Variants in SSH2 observed in about 807,000 individuals in gnomAD.
SSH2 encodes the protein protein phosphatase Slingshot homolog 2.
Under a neutral mutation model 135.2 loss-of-function variants are expected in SSH2, and 37 were observed. The observed-to-expected ratio is 0.27, with a 90% CI of 0.21 to 0.36. SSH2 has a LOEUF of 0.36. SSH2 is among the 10% of genes least tolerant of loss of function. SSH2 has a pLI of 1.00. For synonymous variants in SSH2, 628 were observed against 646.2 expected (o/e 0.97, Z 0.43); for missense variants, 1,408 against 1,765.3 (o/e 0.80, Z 3.63).
In SSH2 at chr17:29,636,742, G is replaced by A. The variant is rs367567775; in HGVS notation, c.1488C>T (p.His496=). 72 of 1,613,994 alleles carry A rather than the reference G, an allele frequency of 4.5e-5. No homozygotes were observed. The highest frequency in any genetic ancestry group is 5.9e-5 in the Non-Finnish European group (70 of 1,180,044). The part of the protein sequence containing the change: ...SHSDSDLSDH[H]EPICKPGLEL... Reference sequence around the variant, plus strand: ...CTAGCCCAGGTTTGCAGATGGGTTCGTGGTGGTCTGAGAGGTCACTATCTG... The same window carrying A: ...CTAGCCCAGGTTTGCAGATGGGTTCATGGTGGTCTGAGAGGTCACTATCTG... Residue 496 remains histidine (H), a synonymous_variant, in exon 15 of 16, where the codon CAC becomes CAT. Transcript: ENST00000540801.
intron 1 of SSH2, among the ~76,000 whole-genome samples, chr17:29,914,949 A>T (rs986185542): frequency 2.0e-5 from 3 of 152,208 alleles, no homozygotes; most frequent in Non-Finnish European, 4.4e-5. Flanking sequence ...GTTACAAATG[A>T]TCTGTTTTAC....
chr17:29,635,683 C>T (rs950770481), intron 15 of SSH2, among the ~76,000 whole-genome samples: 48 of 152,306 alleles, frequency 3.2e-4, no homozygotes, highest in African/African-American at 1.1e-3. Flanking sequence ...GCTGGGATTA[C>T]AGGTGTGAGC....
chr17:29,812,054 C>T (rs1286953062), intron 2 of SSH2, among the ~76,000 whole-genome samples: 1 of 151,772 alleles, frequency 6.6e-6, no homozygotes, highest in Non-Finnish European at 1.5e-5. Flanking sequence ...TTATCTCTAA[C>T]CCTCATGAAA....
At chr17:29,863,580 A>G (rs2065802837) in intron 1 of SSH2, 2 of 152,226 alleles carry the variant, frequency 1.3e-5, no homozygotes, top group Non-Finnish European at 2.9e-5. Flanking sequence ...CCTCAAAAAG[A>G]GAGGCCCAAG....
chr17:29,918,204 T>C (rs1394277700), intron 1 of SSH2, among the ~76,000 whole-genome samples: 1 of 151,886 alleles, frequency 6.6e-6, no homozygotes, highest in East Asian at 1.9e-4. Flanking sequence ...AATCAATCAA[T>C]CAAACAGTAC....
intron 11 of SSH2, among the ~76,000 whole-genome samples, chr17:29,664,524 CTCTT>C (rs2037192662): frequency 6.6e-6 from 1 of 152,046 alleles, no homozygotes; most frequent in Non-Finnish European, 1.5e-5. Flanking sequence ...GACAGGCTCT[CTCTT>C]TGTTGCTCAG....
At chr17:29,661,751 A>G (rs1289862951) in intron 11 of SSH2, among the ~76,000 whole-genome samples, 2 of 152,236 alleles carry the variant, frequency 1.3e-5, no homozygotes, top group African/African-American at 4.8e-5. Flanking sequence ...AGATGAAAAT[A>G]ACATTGACAC....
In SSH2 at chr17:29,626,201, T is replaced by G. The variant is rs2035494516; in HGVS notation, c.*4640A>C. The G allele has an allele frequency of 6.6e-6, 1 of 151,842 alleles. No individual in the cohort carries two copies. The highest frequency in any genetic ancestry group is 1.5e-5 in the Non-Finnish European group (1 of 67,910). 9.4% of individuals were successfully genotyped at this position (151,842 alleles called of 1,614,324 possible). ...ATGAGCATAAAAGTTTGGGGTGGCT[T>G]GGGGCAAAGGTAACAGTCAGAGGAG... On this transcript the variant is annotated 3_prime_UTR_variant, in exon 16 of 16. Coordinates refer to ENST00000540801, the MANE Select transcript of SSH2 (RefSeq NM_001282129.2).
chr17:29,832,742 C>T (rs1431049087), intron 2 of SSH2, among the ~76,000 whole-genome samples: 1 of 152,178 alleles, frequency 6.6e-6, no homozygotes, highest in Non-Finnish European at 1.5e-5. Context: ...ATGATCTCAG[C>T]TCACTGCAAC....
At chr17:29,847,695 T>C (rs1402156595) in intron 2 of SSH2, among the ~76,000 whole-genome samples, 1 of 152,128 alleles carries the variant, frequency 6.6e-6, no homozygotes, top group East Asian at 1.9e-4. Context: ...TAGGATCTGT[T>C]CCAGATGGGA....
intron 9 of SSH2, among the ~76,000 whole-genome samples, chr17:29,669,912 C>G (rs1211158063): frequency 2.1e-5 from 3 of 145,998 alleles, no homozygotes; most frequent in Admixed American, 1.4e-4. Context: ...GACTGAGTCT[C>G]CCTCTGTCGC....
At chr17:29,923,242 T>C (rs997153637) in intron 1 of SSH2, among the ~76,000 whole-genome samples, 1 of 152,172 alleles carries the variant, frequency 6.6e-6, no homozygotes, top group Non-Finnish European at 1.5e-5. Flanking sequence ...ATCTAGTAAT[T>C]GAATTTCTTG....
chr17:29,800,312 A>C (rs994959096), intron 2 of SSH2, among the ~76,000 whole-genome samples: 1 of 152,236 alleles, frequency 6.6e-6, no homozygotes, highest in African/African-American at 2.4e-5. Context: ...TAATTTCAGC[A>C]GAATTCACCG....
chr17:29,846,776 C>G (rs941443326), intron 2 of SSH2, among the ~76,000 whole-genome samples: 2 of 152,196 alleles, frequency 1.3e-5, no homozygotes, highest in East Asian at 3.8e-4. Flanking sequence ...TGAGACACAT[C>G]TTACTTCAAG....
intron 3 of SSH2, 149 bp from the exon 4 acceptor site, chr17:29,703,211 TACTC>T: frequency 4.9e-6 from 3 of 618,528 alleles, no homozygotes; most frequent in Non-Finnish European, 8.7e-6. Flanking sequence ...AGGCTGTGGT[TACTC>T]ACTCATACGC....
intron 3 of SSH2, among the ~76,000 whole-genome samples, chr17:29,758,486 C>A (rs181717074): frequency 6.6e-6 from 1 of 152,274 alleles, no homozygotes; most frequent in East Asian, 1.9e-4. Context: ...CAATAAACAG[C>A]AGCTATTAGT....
chr17:29,673,587 T>G (rs1598768829), intron 8 of SSH2, among the ~76,000 whole-genome samples: 1 of 150,270 alleles, frequency 6.7e-6, no homozygotes, highest in Non-Finnish European at 1.5e-5. Flanking sequence ...AAAAAAAAAG[T>G]ATTTTTGTTT....
At chr17:29,710,207 C>T (rs531445031) in intron 3 of SSH2, among the ~76,000 whole-genome samples, 1 of 152,224 alleles carries the variant, frequency 6.6e-6, no homozygotes, top group African/African-American at 2.4e-5. Flanking sequence ...TCTACATGCA[C>T]ACATATAAGA....
chr17:29,845,818 C>T (rs1003622234), intron 2 of SSH2, among the ~76,000 whole-genome samples: 4 of 152,010 alleles, frequency 2.6e-5, no homozygotes, highest in African/African-American at 4.8e-5. Context: ...CCTTGGCCTC[C>T]GAAAGTGTTG....
Sources: gnomAD v4.1 joint callset for allele counts (sites outside exome capture counted in the v4.1 genomes callset) on GRCh38, gnomAD v4.1.1 for gene constraint, MANE v1.5 for transcripts, NCBI Gene and HGNC (gene_info 2026-07-23, HGNC 2026-07-21) for gene names.